CNTN3: variants seen among roughly 807,000 people sequenced by gnomAD.
The protein encoded by CNTN3 is contactin 3, also known as contactin-3.
Under a neutral mutation model 119.1 loss-of-function variants are expected in CNTN3, and 60 were observed. The ratio of observed to expected loss-of-function variants is 0.50; its 90% CI spans 0.41 to 0.62. The LOEUF is 0.62. CNTN3 is among the 20% of genes least tolerant of loss of function. CNTN3 has a pLI of 0.00. For synonymous variants in CNTN3, 450 were observed against 438.7 expected (o/e 1.03, Z -0.32); for missense variants, 1,101 against 1,242.4 (o/e 0.89, Z 1.71).
Position 74,462,998 on chromosome 3 carries a change from T to C in CNTN3, c.358+23458A>G, listed in dbSNP as rs764781417. Among the ~76,000 whole-genome samples, 6 of 152,300 alleles carry C rather than the reference T, an allele frequency of 3.9e-5. 1 individual carries two copies. Among genetic ancestry groups the C allele is most frequent in the Non-Finnish European group, 8.8e-5 (6 of 68,028 alleles). On this transcript the variant is annotated intron_variant, in intron 4 of 22. Coordinates refer to ENST00000263665, the MANE Select transcript of CNTN3 (RefSeq NM_020872.3). ...GATCCATGTGTCATTCCCGATAAACTATGGGTCGATTAAGGGCAAGAAGCA... is the reference window on the plus strand; with the variant it reads ...GATCCATGTGTCATTCCCGATAAACCATGGGTCGATTAAGGGCAAGAAGCA...
chr3:74,357,317 CTT>C (rs1703960002), intron 11 of CNTN3, among the ~76,000 whole-genome samples: 1 of 148,170 alleles, frequency 6.7e-6, no homozygotes, highest in Admixed American at 6.7e-5. Flanking sequence ...GAGTTTCCCT[CTT>C]GTTGCCCAGG....
chr3:74,607,949 A>G (rs6792077), intron 1 of CNTN3, among the ~76,000 whole-genome samples: 147,595 of 152,246 alleles, frequency 0.97, 71,569 homozygotes, highest in East Asian at 1. Context: ...AAGGTCTGCA[A>G]TCTAGTTAAC....
At chr3:74,370,132 G>C (rs1303017073) in intron 6 of CNTN3, 141 bp from the exon 7 acceptor site, 2 of 504,786 alleles carry the variant, frequency 4.0e-6, no homozygotes, top group Non-Finnish European at 7.1e-6. Flanking sequence ...AGTCTATGCA[G>C]CTCAGATTCC....
intron 1 of CNTN3, among the ~76,000 whole-genome samples, chr3:74,569,005 T>C (rs1312761809): frequency 1.3e-5 from 2 of 152,180 alleles, no homozygotes; most frequent in South Asian, 2.1e-4. Flanking sequence ...TTACAGCCCA[T>C]GAGGTCAGAA....
At chr3:74,337,140 A>G (rs2106714301) in intron 11 of CNTN3, among the ~76,000 whole-genome samples, 1 of 152,202 alleles carries the variant, frequency 6.6e-6, no homozygotes, top group Admixed American at 6.6e-5. Flanking sequence ...TCGCCCCAAT[A>G]AAAACTGTAA....
chr3:74,452,964 G>C (rs1369300577), intron 4 of CNTN3, among the ~76,000 whole-genome samples: 3 of 151,012 alleles, frequency 2.0e-5, no homozygotes, highest in Non-Finnish European at 4.4e-5. Flanking sequence ...CAAGGATATT[G>C]GTCTAAAATT....
chr3:74,452,688 C>T (rs1390498987), intron 4 of CNTN3, among the ~76,000 whole-genome samples: 1 of 132,096 alleles, frequency 7.6e-6, no homozygotes, highest in Non-Finnish European at 1.6e-5. Flanking sequence ...GAGATACGTC[C>T]CATCAATACC....
chr3:74,506,618 G>T (rs1575792034), intron 2 of CNTN3, among the ~76,000 whole-genome samples: 1 of 150,550 alleles, frequency 6.6e-6, no homozygotes. Flanking sequence ...TACCTTTCTT[G>T]CTAGACAGCT....
Position 74,365,554 on chromosome 3 carries a change from A to G in CNTN3, c.1083+12T>C. ...AGGCCTCTAAACCCATTTTAGGTCC[A>G]TGTTACCTTACCTCTAGCACCAGGG... On this transcript the variant is annotated intron_variant, in intron 9 of 22. Coordinates refer to ENST00000263665, the MANE Select transcript of CNTN3 (RefSeq NM_020872.3). 1.9e-6 allele frequency: 3 copies of G among 1,613,148 alleles called. No homozygotes were observed. The highest frequency in any genetic ancestry group is 2.5e-6 in the Non-Finnish European group (3 of 1,179,336).
chr3:74,408,475 C>A (rs1035082116), intron 5 of CNTN3, among the ~76,000 whole-genome samples: 2 of 152,094 alleles, frequency 1.3e-5, no homozygotes, highest in African/African-American at 2.4e-5. Flanking sequence ...TGTGTTAATT[C>A]TTTTAACTGA....
intron 4 of CNTN3, among the ~76,000 whole-genome samples, chr3:74,471,040 C>A (rs888543922): frequency 6.6e-6 from 1 of 151,980 alleles, no homozygotes; most frequent in East Asian, 1.9e-4. Context: ...CCACGCCTAG[C>A]TAATTTTTGT....
At chr3:74,301,187 T>C (rs1702445969) in intron 16 of CNTN3, among the ~76,000 whole-genome samples, 2 of 152,218 alleles carry the variant, frequency 1.3e-5, no homozygotes, top group Admixed American at 6.5e-5. Flanking sequence ...TACAATGGAC[T>C]GAACTCTTGG....
chr3:74,399,483 T>C (rs982039511), intron 5 of CNTN3, among the ~76,000 whole-genome samples: 5 of 152,222 alleles, frequency 3.3e-5, no homozygotes, highest in Admixed American at 2.0e-4. Context: ...CTCATGTTTT[T>C]AATGGCTGCA....
intron 11 of CNTN3, among the ~76,000 whole-genome samples, chr3:74,355,977 C>T (rs1273121062): frequency 6.6e-6 from 1 of 152,002 alleles, no homozygotes; most frequent in Non-Finnish European, 1.5e-5. Flanking sequence ...TACTCAAGTA[C>T]CTGCTATGCT....
At chr3:74,302,561 T>C (rs1449649458) in intron 14 of CNTN3, 129 bp downstream of exon 14, 4 of 632,010 alleles carry the variant, frequency 6.3e-6, no homozygotes, top group African/African-American at 5.5e-5. Flanking sequence ...TATTCTGTGG[T>C]CTATGAGGGG....
chr3:74,397,939 T>C (rs6780510), intron 5 of CNTN3, among the ~76,000 whole-genome samples: 126,816 of 152,176 alleles, frequency 0.83, 53,242 homozygotes, highest in African/African-American at 0.93. Flanking sequence ...AGAATTAGAG[T>C]CCAAAGATGT....
intron 4 of CNTN3, among the ~76,000 whole-genome samples, chr3:74,486,042 A>T (rs1702850573): frequency 6.6e-6 from 1 of 152,084 alleles, no homozygotes; most frequent in South Asian, 2.1e-4. Flanking sequence ...TGTCAGATGG[A>T]ATTTTCTAAA....
chr3:74,598,319 G>A (rs149362511), intron 1 of CNTN3, among the ~76,000 whole-genome samples: 17 of 152,122 alleles, frequency 1.1e-4, no homozygotes, highest in African/African-American at 2.9e-4. Context: ...TTGCCCCACC[G>A]GAGGCACCAA....
chr3:74,447,670 C>A (rs1032785984), intron 4 of CNTN3, among the ~76,000 whole-genome samples: 6 of 152,090 alleles, frequency 3.9e-5, no homozygotes, highest in Non-Finnish European at 8.8e-5. Flanking sequence ...ACCCTCACCA[C>A]CTGTCCTATT....
Sources: gnomAD v4.1 joint callset for allele counts (sites outside exome capture counted in the v4.1 genomes callset) on GRCh38, gnomAD v4.1.1 for gene constraint, MANE v1.5 for transcripts, NCBI Gene and HGNC (gene_info 2026-07-23, HGNC 2026-07-21) for gene names.